The following ANKFN1 variants were observed in gnomAD, a reference collection of about 807,000 sequenced individuals.
The protein encoded by ANKFN1 is ankyrin repeat and fibronectin type-III domain-containing protein 1.
Under a neutral mutation model 108.7 loss-of-function variants are expected in ANKFN1, and 74 were observed. The ratio of observed to expected loss-of-function variants is 0.68; its 90% CI spans 0.56 to 0.83. The LOEUF (loss-of-function observed/expected upper bound fraction) is 0.83. Ranked by LOEUF, ANKFN1 falls within the 40% of genes least tolerant of loss-of-function variation. ANKFN1 has a pLI of 0.00. For synonymous variants in ANKFN1, 547 were observed against 516.2 expected (o/e 1.06, Z -0.81); for missense variants, 1,505 against 1,382.3 (o/e 1.09, Z -1.41).
intron 20 of ANKFN1, among the ~76,000 whole-genome samples, chr17:56,500,016 G>T (rs750867222): frequency 3.3e-5 from 5 of 152,160 alleles, no homozygotes; most frequent in Non-Finnish European, 7.4e-5. Flanking sequence ...GAAAGAGCTT[G>T]CACTTAGAAA....
intron 16 of ANKFN1, among the ~76,000 whole-genome samples, chr17:56,480,299 GC>G (rs2050651647): frequency 6.6e-6 from 1 of 152,196 alleles, no homozygotes; most frequent in Admixed American, 6.5e-5. Context: ...TGCAGAATTA[GC>G]CAGTAGATGC....
intron 3 of ANKFN1, among the ~76,000 whole-genome samples, chr17:56,308,046 A>G (rs1209511321): frequency 1.3e-5 from 2 of 152,132 alleles, no homozygotes; most frequent in Non-Finnish European, 1.5e-5. Flanking sequence ...ATGAGAACAC[A>G]TGGACGCAGG....
intron 3 of ANKFN1, among the ~76,000 whole-genome samples, chr17:56,305,259 C>A (rs1240671613): frequency 6.6e-6 from 1 of 152,176 alleles, no homozygotes; most frequent in African/African-American, 2.4e-5. Flanking sequence ...CCACTGGCTC[C>A]CTCCCATGAC....
chr17:56,289,369 G>C (rs750528178), intron 3 of ANKFN1, among the ~76,000 whole-genome samples: 41 of 152,214 alleles, frequency 2.7e-4, no homozygotes, highest in Admixed American at 1.3e-3. Flanking sequence ...TGACTAGAAG[G>C]CCTCTAATTC....
At chr17:56,349,028 C>T (rs181805720) in intron 4 of ANKFN1, among the ~76,000 whole-genome samples, 13 of 152,158 alleles carry the variant, frequency 8.5e-5, no homozygotes, top group Middle Eastern at 3.4e-3. Context: ...ATATATACAC[C>T]ATGGAATACT....
chr17:56,250,640 A>G (rs1242088053), intron 3 of ANKFN1, among the ~76,000 whole-genome samples: 2 of 152,242 alleles, frequency 1.3e-5, no homozygotes, highest in African/African-American at 4.8e-5. Context: ...GGAAAAGGGT[A>G]CCCTCAAGAG....
intron 18 of ANKFN1, among the ~76,000 whole-genome samples, chr17:56,489,420 T>C (rs970638838): frequency 6.6e-6 from 1 of 150,768 alleles, no homozygotes; most frequent in Non-Finnish European, 1.5e-5. Context: ...AAAGTAACAT[T>C]TGTTAAAGTA....
intron 6 of ANKFN1, chr17:56,368,063 G>A: frequency 1.5e-6 from 1 of 652,256 alleles, no homozygotes; most frequent in Non-Finnish European, 2.2e-6. Flanking sequence ...GCCCCATTCT[G>A]CCATCAGATC....
chr17:56,247,812 T>C (rs2043152208), intron 3 of ANKFN1, among the ~76,000 whole-genome samples: 1 of 152,190 alleles, frequency 6.6e-6, no homozygotes, highest in South Asian at 2.1e-4. Flanking sequence ...GACTTCTAAC[T>C]TCACCTTGGT....
At chr17:56,200,653 G>C (rs1213581482) in intron 1 of ANKFN1, among the ~76,000 whole-genome samples, 1 of 152,168 alleles carries the variant, frequency 6.6e-6, no homozygotes. Context: ...GGGCTGTACA[G>C]TCTTCAAGAC....
chr17:56,187,569 A>G (rs1341355037), intron 1 of ANKFN1, among the ~76,000 whole-genome samples: 1 of 152,212 alleles, frequency 6.6e-6, no homozygotes, highest in Non-Finnish European at 1.5e-5. Flanking sequence ...CATTTGACCC[A>G]GTCATCTCAT....
At chr17:56,192,948 C>T (rs1487076559) in intron 1 of ANKFN1, among the ~76,000 whole-genome samples, 1 of 141,996 alleles carries the variant, frequency 7.0e-6, no homozygotes, top group Non-Finnish European at 1.5e-5. Context: ...AAGACACATG[C>T]ACACATATGT....
chr17:56,225,687 T>C (rs1312024851), intron 2 of ANKFN1, among the ~76,000 whole-genome samples: 1 of 152,212 alleles, frequency 6.6e-6, no homozygotes, highest in Non-Finnish European at 1.5e-5. Flanking sequence ...GTTGTGGAAA[T>C]AAGCTTTAAA....
chr17:56,155,344 C>T (rs1346805509), intron 1 of ANKFN1, among the ~76,000 whole-genome samples: 1 of 152,192 alleles, frequency 6.6e-6, no homozygotes, highest in East Asian at 1.9e-4. Flanking sequence ...ACCTTTCTTC[C>T]ATGAGACAAG....
chr17:56,278,457 C>A (rs1027086003), intron 3 of ANKFN1, among the ~76,000 whole-genome samples: 2 of 152,216 alleles, frequency 1.3e-5, no homozygotes, highest in Admixed American at 1.3e-4. Context: ...TTTGAAGTCT[C>A]ATTTTATCCT....
At chr17:56,413,708 T>C (rs1473761993) in intron 8 of ANKFN1, among the ~76,000 whole-genome samples, 1 of 152,204 alleles carries the variant, frequency 6.6e-6, no homozygotes, top group Non-Finnish European at 1.5e-5. Flanking sequence ...CAGTTCTGTT[T>C]ATGTGAAGAA....
At chr17:56,108,653 G>A (rs1905797762) in intron 4 of ANKFN1, among the ~76,000 whole-genome samples, 1 of 152,182 alleles carries the variant, frequency 6.6e-6, no homozygotes, top group Non-Finnish European at 1.5e-5. Context: ...TTCAAACCCA[G>A]ACTCCAGAGT....
chr17:56,451,972 G>T (rs2049505463), intron 11 of ANKFN1, among the ~76,000 whole-genome samples: 1 of 152,210 alleles, frequency 6.6e-6, no homozygotes, highest in African/African-American at 2.4e-5. Flanking sequence ...TTTGGCTAAA[G>T]AACTGGCCAA....
At chr17:56,321,741 A>ATACT (rs1362259163) in intron 3 of ANKFN1, among the ~76,000 whole-genome samples, 2 of 152,230 alleles carry the variant, frequency 1.3e-5, no homozygotes, top group African/African-American at 2.4e-5. Flanking sequence ...AGAGGAGAGT[A>ATACT]TACTAAAAGA....
Sources: gnomAD v4.1 joint callset for allele counts (sites outside exome capture counted in the v4.1 genomes callset) on GRCh38, gnomAD v4.1.1 for gene constraint, MANE v1.5 for transcripts, NCBI Gene and HGNC (gene_info 2026-07-23, HGNC 2026-07-21) for gene names.